Variants in PRIM2 observed in about 807,000 individuals in gnomAD.
The protein encoded by PRIM2 is DNA primase subunit 2, also known as DNA primase large subunit.
PRIM2 carries 39 observed loss-of-function variants against 67.3 expected under a neutral mutation model. That is an observed-to-expected ratio of 0.58 (90% CI 0.45 to 0.76). The LOEUF is 0.76. Ranked by LOEUF, PRIM2 falls within the 30% of genes least tolerant of loss-of-function variation. The pLI is 0.00. For synonymous variants in PRIM2, 143 were observed against 198.7 expected (o/e 0.72, Z 2.36); for missense variants, 398 against 598.7 (o/e 0.66, Z 3.50).
intron 12 of PRIM2, among the ~76,000 whole-genome samples, chr6:57,612,980 A>C (rs1317902434): frequency 2.0e-5 from 3 of 151,782 alleles, no homozygotes; most frequent in Non-Finnish European, 4.4e-5. Flanking sequence ...TTTTTTGTAG[A>C]GATAGAGGTC....
intron 7 of PRIM2, among the ~76,000 whole-genome samples, chr6:57,475,206 G>A (rs1415102472): frequency 6.6e-6 from 1 of 152,046 alleles, no homozygotes. Flanking sequence ...TTTGTAATCA[G>A]TTTCGAAGTA....
chr6:57,472,127 A>G (rs1773348916), intron 7 of PRIM2, among the ~76,000 whole-genome samples: 3 of 152,044 alleles, frequency 2.0e-5, no homozygotes, highest in African/African-American at 7.2e-5. Context: ...CCTCAAGGAT[A>G]TACCTGAAAC....
At chr6:57,406,965 G>A (rs1459850060) in intron 7 of PRIM2, among the ~76,000 whole-genome samples, 1 of 150,428 alleles carries the variant, frequency 6.6e-6, no homozygotes, top group Non-Finnish European at 1.5e-5. Context: ...TTACTAAATT[G>A]AGGTGTGAAT....
chr6:57,277,061 C>T, the PRIM2 span, among the ~76,000 whole-genome samples: 2 of 151,988 alleles, frequency 1.3e-5, no homozygotes, highest in Non-Finnish European at 2.9e-5. Flanking sequence ...ACCAGCAGGC[C>T]TGTGAGTTCC....
At chr6:57,391,137 A>G (rs1205456302) in intron 7 of PRIM2, among the ~76,000 whole-genome samples, 1 of 13,718 alleles carries the variant, frequency 7.3e-5, no homozygotes, top group Non-Finnish European at 1.4e-4. Context: ...CTAATGATCA[A>G]TTGATACTGA....
At chr6:57,506,689 G>A (rs1774257741) in intron 7 of PRIM2, among the ~76,000 whole-genome samples, 1 of 151,878 alleles carries the variant, frequency 6.6e-6, no homozygotes, top group Non-Finnish European at 1.5e-5. Flanking sequence ...ATTCTCTTAA[G>A]AACAGAGAAG....
At chr6:57,344,734 G>A (rs1170453386) in intron 5 of PRIM2, among the ~76,000 whole-genome samples, 3 of 152,044 alleles carry the variant, frequency 2.0e-5, no homozygotes, top group Admixed American at 2.0e-4. Flanking sequence ...AGTTAGTTGA[G>A]GCCTAACCAT....
rs1391895001 is a variant in PRIM2, at chr6:57,614,052, G to A, written c.1230+7595G>A. ...CAGAGGTCCCCAACCCCTGGGCCACGGACTGGTACTTGTCCATGGCCTGTT... is the reference window on the plus strand; with the variant it reads ...CAGAGGTCCCCAACCCCTGGGCCACAGACTGGTACTTGTCCATGGCCTGTT... On this transcript the variant is annotated intron_variant, in intron 12 of 13. Coordinates refer to ENST00000615550, the MANE Select transcript of PRIM2 (RefSeq NM_000947.5). 3.5e-4 allele frequency among the ~76,000 whole-genome samples: 53 copies of A among 152,176 alleles called. No individual in the cohort carries two copies. In the South Asian group the frequency reaches 8.1e-3, roughly 23 times the overall value.
At chr6:57,248,615 A>G in the PRIM2 span, among the ~76,000 whole-genome samples, 1 of 152,186 alleles carries the variant, frequency 6.6e-6, no homozygotes, top group Non-Finnish European at 1.5e-5. Flanking sequence ...ATGCAAATGA[A>G]GTAGTGGCCC....
intron 7 of PRIM2, among the ~76,000 whole-genome samples, chr6:57,425,717 C>G (rs1164880668): frequency 6.6e-6 from 1 of 152,004 alleles, no homozygotes; most frequent in Non-Finnish European, 1.5e-5. Flanking sequence ...GAGAGTCATT[C>G]TAGGAATAGA....
intron 10 of PRIM2, among the ~76,000 whole-genome samples, chr6:57,561,771 A>G (rs1487206739): frequency 0.39 from 59,662 of 151,924 alleles, 11,981 homozygotes; most frequent in East Asian, 0.67. Flanking sequence ...CTTTTTTTTT[A>G]CATTCACAGC....
At chr6:57,272,630 A>G in the PRIM2 span, among the ~76,000 whole-genome samples, 1 of 152,180 alleles carries the variant, frequency 6.6e-6, no homozygotes, top group Admixed American at 6.5e-5. Flanking sequence ...ATTTACATTC[A>G]AAGTTAATAT....
At chr6:57,403,203 G>T (rs952883062) in intron 7 of PRIM2, among the ~76,000 whole-genome samples, 1 of 151,258 alleles carries the variant, frequency 6.6e-6, no homozygotes, top group East Asian at 1.9e-4. Flanking sequence ...ATTCCAAAGT[G>T]CTGTGTATAT....
intron 7 of PRIM2, among the ~76,000 whole-genome samples, chr6:57,472,706 A>G (rs1295040434): frequency 1.3e-5 from 2 of 152,372 alleles, no homozygotes; most frequent in Non-Finnish European, 2.9e-5. Flanking sequence ...ATATCTCAGA[A>G]TAACTAATTA....
intron 13 of PRIM2, among the ~76,000 whole-genome samples, chr6:57,642,834 T>C (rs1481042783): frequency 3.3e-5 from 5 of 152,314 alleles, no homozygotes; most frequent in Middle Eastern, 3.4e-3. Flanking sequence ...TGGAATTTGA[T>C]TTTATCTTTC....
chr6:57,309,720 A>G, the PRIM2 span, among the ~76,000 whole-genome samples: 1 of 152,278 alleles, frequency 6.6e-6, no homozygotes, highest in South Asian at 2.1e-4. Flanking sequence ...TTCTAGTTCT[A>G]GATCCCTGAG....
chr6:57,536,643 A>G (rs1775008469), intron 9 of PRIM2, among the ~76,000 whole-genome samples: 1 of 152,250 alleles, frequency 6.6e-6, no homozygotes, highest in South Asian at 2.1e-4. Flanking sequence ...CATACCATGG[A>G]AAACTATTAG....
chr6:57,563,376 G>A, intron 10 of PRIM2, among the ~76,000 whole-genome samples: 2 of 151,564 alleles, frequency 1.3e-5, no homozygotes, highest in East Asian at 3.9e-4. Context: ...TCATTGTATA[G>A]TAGAGGAAGC....
At chr6:57,424,856 A>G (rs1385871229) in intron 7 of PRIM2, among the ~76,000 whole-genome samples, 2 of 152,216 alleles carry the variant, frequency 1.3e-5, no homozygotes, top group Admixed American at 1.3e-4. Context: ...TGAGACAACT[A>G]AAATATATTA....
Sources: allele counts gnomAD v4.1 joint callset (sites outside exome capture counted in the v4.1 genomes callset), GRCh38; gene constraint gnomAD v4.1.1; transcripts MANE v1.5; gene names NCBI Gene and HGNC (gene_info 2026-07-23, HGNC 2026-07-21).